PTPN6: variants seen among roughly 807,000 people sequenced by gnomAD.
The protein encoded by PTPN6 is protein tyrosine phosphatase non-receptor type 6, also known as tyrosine-protein phosphatase non-receptor type 6.
Under a neutral mutation model 81.5 loss-of-function variants are expected in PTPN6, and 18 were observed. The observed-to-expected ratio is 0.22, with a 90% CI of 0.15 to 0.33. PTPN6 has a LOEUF of 0.33. Among genes scored for constraint, PTPN6 ranks in the 10% least tolerant of loss-of-function variants. The pLI, the probability that PTPN6 is intolerant of heterozygous loss-of-function variation, is 1.00. For synonymous variants in PTPN6, 301 were observed against 310.9 expected, an observed-to-expected ratio of 0.97 and a Z score of 0.33; for missense variants, 500 against 794.2, an observed-to-expected ratio of 0.63 and a Z score of 4.45.
Position 6,959,618 on chromosome 12 carries a change from G to A in PTPN6, c.1362-309G>A. 1.8e-6 allele frequency: 1 copy of A among 547,938 alleles called. No homozygotes were observed. The highest frequency in any genetic ancestry group is 3.3e-6 in the Non-Finnish European group (1 of 303,566). The allele number at this position is 547,938 out of a possible 1,614,324, so 33.9% of individuals were successfully genotyped here. A position where few individuals can be genotyped will look rare whatever the true frequency, so the allele number is the denominator to read the frequency against. Reference sequence around the variant, plus strand: ...CGGCAGGACAGTGGTGGGATTTGGGGGTCCCAGGTCTTCCGGGGTGGGGGC... The same window carrying A: ...CGGCAGGACAGTGGTGGGATTTGGGAGTCCCAGGTCTTCCGGGGTGGGGGC... On this transcript the variant is annotated intron_variant, in intron 11 of 15. Coordinates refer to ENST00000318974, the MANE Select transcript of PTPN6 (RefSeq NM_002831.6). This position sits in a 1 kb window ranked among gnomAD's most constrained non-coding sequence, Gnocchi z 6.6.
In PTPN6 at chr12:6,960,705, G is replaced by A; in HGVS notation, c.1674-101G>A. ...CAGGGACCGTGGCTGCGTCACCTGT[G>A]AGACGGGGTGGCCAGAGGGGACTGC... On this transcript the variant is annotated intron_variant, in intron 14 of 15. Coordinates refer to ENST00000318974, the MANE Select transcript of PTPN6 (RefSeq NM_002831.6). The surrounding 1 kb of genome is among the most constrained non-coding windows in gnomAD (Gnocchi z 6.1). 6.4e-6 allele frequency: 10 copies of A among 1,551,548 alleles called. No homozygotes were observed. Among genetic ancestry groups the A allele is most frequent in the Non-Finnish European group, 8.7e-6 (10 of 1,146,978 alleles).
chr12:6,955,135 A>T lies in PTPN6; in HGVS notation c.517-16A>T. 1 of 1,613,664 alleles carries T rather than the reference A, an allele frequency of 6.2e-7. No individual in the cohort carries two copies. Among genetic ancestry groups the T allele is most frequent in the Non-Finnish European group, 8.5e-7 (1 of 1,179,608 alleles). ...AGACTCAAGTCCTGTGAATGGCCTA[A>T]TTTGGCTCCCCCCAGGGTGGACGCT... On this transcript the variant is annotated splice_polypyrimidine_tract_variant and intron_variant, in intron 4 of 15. Coordinates refer to ENST00000318974, the MANE Select transcript of PTPN6 (RefSeq NM_002831.6). This position sits in a 1 kb window ranked among gnomAD's most constrained non-coding sequence, Gnocchi z 7.2.
At chr12:6,953,740 C>G (rs1330481818) in intron 3 of PTPN6, 1 of 152,304 alleles carries the variant, frequency 6.6e-6, no homozygotes, top group Non-Finnish European at 1.5e-5. Flanking sequence ...GCTCAGCCCC[C>G]TCCCCGCTAC....
chr12:6,955,228 G>A lies in PTPN6; in HGVS notation c.594G>A (p.Gly198=), dbSNP rs781791300. The change falls in exon 5 of 16, where the codon GGG becomes GGA. Residue 198 remains glycine (G), a synonymous_variant. Transcript: ENST00000318974. This position sits in a 1 kb window ranked among gnomAD's most constrained non-coding sequence, Gnocchi z 7.2. The part of the protein sequence containing the change: ...TDLVEHFKKT[G]IEEASGAFVY... ...TGGTGGAGCATTTCAAGAAGACGGG[G>A]ATTGAGGAGGCCTCAGGCGCCTTTG... 4.3e-6 allele frequency: 7 copies of A among 1,614,228 alleles called. No individual in the cohort carries two copies. The South Asian group carries it at 6.6e-5, about 15-fold the overall frequency.
At position 6,956,583 on chromosome 12, in the gene PTPN6, C is replaced by A. The variant is rs375757194; in HGVS notation, c.1074+15C>A. Reference sequence around the variant, plus strand: ...AGAAAGGCCGGGTAGGGCGCCCCCCCTTCCCCGCATCCGCCCCCGTGCTTG... The same window carrying A: ...AGAAAGGCCGGGTAGGGCGCCCCCCATTCCCCGCATCCGCCCCCGTGCTTG... On this transcript the variant is annotated intron_variant, in intron 9 of 15. Coordinates refer to ENST00000318974, the MANE Select transcript of PTPN6 (RefSeq NM_002831.6). This position sits in a 1 kb window ranked among gnomAD's most constrained non-coding sequence, Gnocchi z 4.1. 2.6e-5 allele frequency: 42 copies of A among 1,613,100 alleles called. No individual in the cohort carries two copies. The highest frequency in any genetic ancestry group is 6.7e-5 in the Admixed American group (4 of 60,002).
rs1565581398 is a variant in PTPN6, at chr12:6,954,633, A to G, written c.327-172A>G. On this transcript the variant is annotated intron_variant, in intron 3 of 15. Coordinates refer to ENST00000318974, the MANE Select transcript of PTPN6 (RefSeq NM_002831.6). This position sits in a 1 kb window ranked among gnomAD's most constrained non-coding sequence, Gnocchi z 5.4. ...ATAAAATGGGGGTAATATCATACCT[A>G]GCTCTCAGCATGTTTGTGAGAGACC... Among the ~76,000 whole-genome samples, 1 of 152,226 alleles carries G rather than the reference A, an allele frequency of 6.6e-6. No homozygotes were observed. Among genetic ancestry groups the G allele is most frequent in the African/African-American group, 2.4e-5 (1 of 41,462 alleles).
rs7968493 is a variant in PTPN6 at position 6,958,173 on chromosome 12, T to C, written c.1361+100T>C. On this transcript the variant is annotated intron_variant, in intron 11 of 15. Transcript: ENST00000318974. The stretch of plus-strand genomic sequence containing the variant: ...GCAATATAAACGTTAGCTCGCACAT[T>C]GAGTGCCCTCCGCTCACCCCCGGCT... 4.8e-3 allele frequency: 7,074 copies of C among 1,489,170 alleles called. 245 individuals carry two copies. In the African/African-American group the frequency reaches 0.081, roughly 17 times the overall value. 92.2% of individuals were successfully genotyped at this position (1,489,170 alleles called of 1,614,324 possible).
Position 6,955,147 on chromosome 12 carries a change from C to G in PTPN6, c.517-4C>G, listed in dbSNP as rs375331892. 2.9e-5 allele frequency: 47 copies of G among 1,614,140 alleles called. No homozygotes were observed. Among genetic ancestry groups the G allele is most frequent in the Non-Finnish European group, 3.6e-5 (43 of 1,179,974 alleles). ...TGTGAATGGCCTAATTTGGCTCCCC[C>G]CAGGGTGGACGCTACACAGTGGGTG... On this transcript the variant is annotated splice_polypyrimidine_tract_variant and splice_region_variant and intron_variant, in intron 4 of 15. Coordinates refer to ENST00000318974, the MANE Select transcript of PTPN6 (RefSeq NM_002831.6). The surrounding 1 kb of genome is among the most constrained non-coding windows in gnomAD (Gnocchi z 7.2).
At chr12:6,961,076 C>T (rs1555149893) in intron 15 of PTPN6, 50 bp from the exon 16 acceptor site, 2 of 1,404,612 alleles carry the variant, frequency 1.4e-6, no homozygotes, top group East Asian at 2.5e-5. Context: ...TCTTGTTCCA[C>T]CTCCAGGTTC....
At position 6,956,586 on chromosome 12, in the gene PTPN6, C is replaced by T. The variant is rs782722931; in HGVS notation, c.1074+18C>T. 3.7e-6 allele frequency: 6 copies of T among 1,612,872 alleles called. No homozygotes were observed. Among genetic ancestry groups the T allele is most frequent in the Admixed American group, 3.3e-5 (2 of 59,992 alleles). ...AAGGCCGGGTAGGGCGCCCCCCCTTCCCCGCATCCGCCCCCGTGCTTGTGG... is the reference window on the plus strand; with the variant it reads ...AAGGCCGGGTAGGGCGCCCCCCCTTTCCCGCATCCGCCCCCGTGCTTGTGG... On this transcript the variant is annotated intron_variant, in intron 9 of 15. Coordinates refer to ENST00000318974, the MANE Select transcript of PTPN6 (RefSeq NM_002831.6). This position sits in a 1 kb window ranked among gnomAD's most constrained non-coding sequence, Gnocchi z 4.1.
In PTPN6 at chr12:6,955,488, G is replaced by A. The variant is rs371920672; in HGVS notation, c.747+3G>A. ...CTGGCTTCTGGGAGGAGTTTGAGGT[G>A]CATGGTGGGGACCGGCAGGGCTGGG... is the stretch of plus-strand genomic sequence containing the variant. On this transcript the variant is annotated splice_donor_region_variant and intron_variant, in intron 6 of 15. Coordinates refer to ENST00000318974, the MANE Select transcript of PTPN6 (RefSeq NM_002831.6). The surrounding 1 kb of genome is among the most constrained non-coding windows in gnomAD (Gnocchi z 7.2). The A allele has an allele frequency of 2.0e-5, 32 of 1,613,284 alleles. No homozygotes were observed. Among genetic ancestry groups the A allele is most frequent in the Non-Finnish European group, 2.6e-5 (31 of 1,179,492 alleles).
rs1206182418 is a variant in PTPN6 at position 6,959,627 on chromosome 12, T to C, written c.1362-300T>C. On this transcript the variant is annotated intron_variant, in intron 11 of 15. Transcript: ENST00000318974. This position sits in a 1 kb window ranked among gnomAD's most constrained non-coding sequence, Gnocchi z 6.6. ...AGTGGTGGGATTTGGGGGTCCCAGG[T>C]CTTCCGGGGTGGGGGCAGCCACTCA... 11 of 551,092 alleles carry C rather than the reference T, an allele frequency of 2.0e-5. No homozygotes were observed. The Admixed American group carries it at 3.5e-4, about 17-fold the overall frequency. 34.1% of individuals were successfully genotyped at this position (551,092 alleles called of 1,614,324 possible).
Position 6,951,764 on chromosome 12 carries a change from G to T in PTPN6, c.131+33G>T. 1 of 1,607,492 alleles carries T rather than the reference G, an allele frequency of 6.2e-7. No individual in the cohort carries two copies. The highest frequency in any genetic ancestry group is 1.1e-5 in the South Asian group (1 of 91,018). On this transcript the variant is annotated intron_variant, in intron 2 of 15. Transcript: ENST00000318974. This position sits in a 1 kb window ranked among gnomAD's most constrained non-coding sequence, Gnocchi z 7.2. Reference sequence around the variant, plus strand: ...GGCCCCCCGCAACCCCGGGCATTTTGGCCACTCTCTTGTGCCATCCAGGCC... The same window carrying T: ...GGCCCCCCGCAACCCCGGGCATTTTTGCCACTCTCTTGTGCCATCCAGGCC...
chr12:6,961,109 C>T lies in PTPN6; in HGVS notation c.*26-17C>T. The T allele has an allele frequency of 1.7e-6, 2 of 1,154,862 alleles. No homozygotes were observed. The highest frequency in any genetic ancestry group is 1.2e-6 in the Non-Finnish European group (1 of 821,332). The allele number at this position is 1,154,862 out of a possible 1,614,324, so 71.5% of individuals were successfully genotyped here. A position where few individuals can be genotyped will look rare whatever the true frequency, so the allele number is the denominator to read the frequency against. ...TTCCAGCTACCCTCTCACTCCCTCA[C>T]TCCCTTCTCTTGGCAGCCTCAGCCC... is the stretch of plus-strand genomic sequence containing the variant. On this transcript the variant is annotated splice_polypyrimidine_tract_variant and intron_variant, in intron 15 of 15. Coordinates refer to ENST00000318974, the MANE Select transcript of PTPN6 (RefSeq NM_002831.6).
At chr12:6,947,251 T>C (rs1945839414), upstream of PTPN6, among the ~76,000 whole-genome samples, 1 of 152,250 alleles carries the variant, frequency 6.6e-6, no homozygotes, top group South Asian at 2.1e-4. Flanking sequence ...CTGGTAATAC[T>C]GGAGTGAACA....
At position 6,956,025 on chromosome 12, in the gene PTPN6, C is replaced by G; in HGVS notation, c.845-117C>G. 1 of 1,074,376 alleles carries G rather than the reference C, an allele frequency of 9.3e-7. No individual in the cohort carries two copies. The highest frequency in any genetic ancestry group is 1.3e-5 in the South Asian group (1 of 76,496). 66.6% of individuals were successfully genotyped at this position (1,074,376 alleles called of 1,614,324 possible). ...CCCACCCCTGCTGCCCACAGTCCCC[C>G]GCAAGCCTCATGGCTTCTGAGACCA... On this transcript the variant is annotated intron_variant, in intron 7 of 15. Coordinates refer to ENST00000318974, the MANE Select transcript of PTPN6 (RefSeq NM_002831.6). This position sits in a 1 kb window ranked among gnomAD's most constrained non-coding sequence, Gnocchi z 4.1.
Position 6,954,764 on chromosome 12 carries a change from T to C in PTPN6, c.327-41T>C. 1 of 1,595,636 alleles carries C rather than the reference T, an allele frequency of 6.3e-7. No individual in the cohort carries two copies. The highest frequency in any genetic ancestry group is 8.6e-7 in the Non-Finnish European group (1 of 1,169,268). On this transcript the variant is annotated intron_variant, in intron 3 of 15. Transcript: ENST00000318974. The surrounding 1 kb of genome is among the most constrained non-coding windows in gnomAD (Gnocchi z 5.4). ...AATGTCTCTGCTCAGCGCCTTCCCC[T>C]GTGGCCTGGGTCTTACCTTCCCTGA...
In PTPN6 at chr12:6,952,192, C is replaced by T. The variant is rs782274328; in HGVS notation, c.326+15C>T. On this transcript the variant is annotated intron_variant, in intron 3 of 15. Transcript: ENST00000318974. This position sits in a 1 kb window ranked among gnomAD's most constrained non-coding sequence, Gnocchi z 8.1. ...ACTAGTGAGAGGTGAGGGCTCCGCA[C>T]CCCCGCCATTCCCAAGCAGGGATGA... The T allele has an allele frequency of 1.6e-5, 26 of 1,612,830 alleles. No homozygotes were observed. In the South Asian group the frequency reaches 2.3e-4, roughly 14 times the overall value.
In PTPN6 at chr12:6,956,291, A is replaced by G; in HGVS notation, c.924+70A>G. 6.2e-7 allele frequency: 1 copy of G among 1,609,150 alleles called. No individual in the cohort carries two copies. Among genetic ancestry groups the G allele is most frequent in the Admixed American group, 1.7e-5 (1 of 60,012 alleles). ...ATTCCCTGTCTGGTGGGGGGACCCT[A>G]GATCCAGAGACAGCTGGGCAAAGCC... On this transcript the variant is annotated intron_variant, in intron 8 of 15. Transcript: ENST00000318974. This position sits in a 1 kb window ranked among gnomAD's most constrained non-coding sequence, Gnocchi z 4.1.
Sources: allele counts gnomAD v4.1 joint callset (sites outside exome capture counted in the v4.1 genomes callset), GRCh38; gene constraint gnomAD v4.1.1; non-coding constraint Gnocchi (gnomAD v3.1); transcripts MANE v1.5; gene names NCBI Gene and HGNC (gene_info 2026-07-23, HGNC 2026-07-21).